The following JHY variants were observed in gnomAD, a reference collection of about 807,000 sequenced individuals.
JHY encodes the protein jhy protein homolog.
A neutral mutation model predicts 78.0 loss-of-function variants in JHY; 69 were observed. The observed-to-expected ratio is 0.88, with a 90% CI of 0.73 to 1.08. The LOEUF is 1.08. JHY is among the 50% of genes least tolerant of loss of function. JHY has a pLI of 0.00. For missense variants in JHY, 944 were observed against 927.8 expected, an observed-to-expected ratio of 1.02 and a Z score of -0.23; for synonymous variants, 368 against 342.6, an observed-to-expected ratio of 1.07 and a Z score of -0.82.
chr11:122,937,242 CT>C (rs11353255), intron 5 of JHY, among the ~76,000 whole-genome samples: 87,850 of 137,544 alleles, frequency 0.64, 27,378 homozygotes, highest in East Asian at 0.94. Flanking sequence ...CTTTTCATTT[CT>C]TTTTTTTTTT....
intron 7 of JHY, 130 bp from the exon 8 acceptor site, chr11:122,957,233 A>G: frequency 3.0e-6 from 3 of 998,954 alleles, no homozygotes; most frequent in Non-Finnish European, 4.1e-6. Context: ...ACCTTACTCA[A>G]GGTGATCCCA....
At chr11:122,954,791 C>T (rs754848957) in intron 6 of JHY, among the ~76,000 whole-genome samples, 1 of 144,232 alleles carries the variant, frequency 6.9e-6, no homozygotes, top group Non-Finnish European at 1.5e-5. Context: ...ATAACCTGGC[C>T]TCAAACTAAA....
rs1371802647 is a variant in JHY at position 122,898,069 on chromosome 11, A to G, written c.345-5856A>G. ...ACATCCTCCTGTTTTAAATACCCAT[A>G]ACGTCCTGTATTTCTTTACACATCG... is the stretch of plus-strand genomic sequence containing the variant. On this transcript the variant is annotated intron_variant, in intron 2 of 8. Coordinates refer to ENST00000227349, the MANE Select transcript of JHY (RefSeq NM_024806.4). The surrounding 1 kb of genome is among the most constrained non-coding windows in gnomAD (Gnocchi z 4.4). Among the ~76,000 whole-genome samples the G allele has an allele frequency of 1.3e-5, 2 of 152,210 alleles. No individual in the cohort carries two copies. The highest frequency in any genetic ancestry group is 2.9e-5 in the Non-Finnish European group (2 of 68,040).
intron 5 of JHY, among the ~76,000 whole-genome samples, chr11:122,939,080 C>T (rs933954272): frequency 4.0e-5 from 6 of 151,562 alleles, no homozygotes; most frequent in Admixed American, 2.0e-4. Flanking sequence ...CTCTGCCTAC[C>T]GGGTTCAAGC....
chr11:122,916,496 T>C (rs1863236949), intron 3 of JHY, among the ~76,000 whole-genome samples: 1 of 152,226 alleles, frequency 6.6e-6, no homozygotes, highest in Admixed American at 6.5e-5. Context: ...TCATTGTTTT[T>C]CTTGCATCAG....
At chr11:122,891,181 T>C (rs1301040238) in intron 2 of JHY, among the ~76,000 whole-genome samples, 1 of 152,186 alleles carries the variant, frequency 6.6e-6, no homozygotes, top group Non-Finnish European at 1.5e-5. Flanking sequence ...CTGTCAAAGC[T>C]TGCCTTAAAA....
intron 4 of JHY, among the ~76,000 whole-genome samples, chr11:122,928,323 G>A (rs1333653106): frequency 6.6e-6 from 1 of 152,032 alleles, no homozygotes; most frequent in Non-Finnish European, 1.5e-5. Context: ...AATACAAAAT[G>A]CAGATAAAAA....
In JHY at chr11:122,959,181, T is replaced by C. The variant is rs147140606; in HGVS notation, c.2140-67T>C. 1,729 of 1,508,690 alleles carry C rather than the reference T, an allele frequency of 1.1e-3. 27 individuals are homozygous for C. The African/African-American group carries it at 0.023, about 20-fold the overall frequency. 93.5% of individuals were successfully genotyped at this position (1,508,690 alleles called of 1,614,324 possible). A position where few individuals can be genotyped will look rare whatever the true frequency, so the allele number is the denominator to read the frequency against. Reference sequence around the variant, plus strand: ...ATTTATATTATAAATAAACATTTCCTAGATTTAATTTAAGGAATCCAGGCT... The same window carrying C: ...ATTTATATTATAAATAAACATTTCCCAGATTTAATTTAAGGAATCCAGGCT... On this transcript the variant is annotated intron_variant, in intron 8 of 8. Transcript: ENST00000227349.
At chr11:122,919,525 G>A (rs896110771) in intron 3 of JHY, among the ~76,000 whole-genome samples, 1 of 152,144 alleles carries the variant, frequency 6.6e-6, no homozygotes, top group African/African-American at 2.4e-5. Context: ...AGCTGAAGAA[G>A]TAGACAGGAA....
At chr11:122,916,753 G>T (rs547038446) in intron 3 of JHY, among the ~76,000 whole-genome samples, 1 of 151,926 alleles carries the variant, frequency 6.6e-6, no homozygotes, top group Non-Finnish European at 1.5e-5. Flanking sequence ...AATTCTCATG[G>T]CTCAGCCACC....
At chr11:122,931,494 A>G (rs1026107578) in intron 4 of JHY, among the ~76,000 whole-genome samples, 2 of 152,230 alleles carry the variant, frequency 1.3e-5, no homozygotes, top group African/African-American at 2.4e-5. Flanking sequence ...CCTTACCCAC[A>G]GAGAAAATCA....
chr11:122,899,379 C>T (rs1862798930), intron 2 of JHY, among the ~76,000 whole-genome samples: 1 of 152,188 alleles, frequency 6.6e-6, no homozygotes, highest in Non-Finnish European at 1.5e-5. Flanking sequence ...TCTTCCCCAC[C>T]TGAACAACCA....
At chr11:122,948,554 T>G (rs902234536) in intron 6 of JHY, among the ~76,000 whole-genome samples, 4 of 151,610 alleles carry the variant, frequency 2.6e-5, no homozygotes, top group African/African-American at 9.7e-5. Flanking sequence ...AAGCTTCCAG[T>G]TGCATGGAGC....
rs1864340066 is a variant in JHY, at chr11:122,962,717, T to G, written c.*3272T>G. On this transcript the variant is annotated 3_prime_UTR_variant, in exon 9 of 9. Transcript: ENST00000227349. ...AGGGATAGGGTAAAATTTTTAAATA[T>G]TCCATTTGTATTATCTTAAAATAGT... Among the ~76,000 whole-genome samples, 1 of 152,230 alleles carries G rather than the reference T, an allele frequency of 6.6e-6. No homozygotes were observed. The highest frequency in any genetic ancestry group is 1.5e-5 in the Non-Finnish European group (1 of 68,022).
chr11:122,906,475 A>T (rs1179669075), intron 3 of JHY, among the ~76,000 whole-genome samples: 1 of 152,120 alleles, frequency 6.6e-6, no homozygotes, highest in Non-Finnish European at 1.5e-5. Flanking sequence ...GATTACAGGC[A>T]TGAGTCACCA....
Position 122,963,313 on chromosome 11 carries a change from G to T in JHY, c.*3868G>T, listed in dbSNP as rs1053425892. On this transcript the variant is annotated 3_prime_UTR_variant, in exon 9 of 9. Coordinates refer to ENST00000227349, the MANE Select transcript of JHY (RefSeq NM_024806.4). ...GTTCATGTCAAACAACATTTCACAGGATTCTTACCCCCAAGGCAACTCTTT... is the reference window on the plus strand; with the variant it reads ...GTTCATGTCAAACAACATTTCACAGTATTCTTACCCCCAAGGCAACTCTTT... Among the ~76,000 whole-genome samples the T allele has an allele frequency of 1.3e-5, 2 of 152,168 alleles. No individual in the cohort carries two copies. Among genetic ancestry groups the T allele is most frequent in the African/African-American group, 4.8e-5 (2 of 41,506 alleles).
In JHY at chr11:122,883,654, T is replaced by G. The variant is rs1862434738; in HGVS notation, c.-90+682T>G. Among the ~76,000 whole-genome samples the G allele has an allele frequency of 6.6e-6, 1 of 152,150 alleles. No individual in the cohort carries two copies. Among genetic ancestry groups the G allele is most frequent in the African/African-American group, 2.4e-5 (1 of 41,434 alleles). On this transcript the variant is annotated intron_variant, in intron 1 of 8. Transcript: ENST00000227349. This position sits in a 1 kb window ranked among gnomAD's most constrained non-coding sequence, Gnocchi z 4.4. ...AAATTTAAACGCCCACTTTCTAACT[T>G]ATTCAAGCTGTCAGCTGTTCCTTCT...
chr11:122,955,030 A>G (rs75227786), intron 6 of JHY, among the ~76,000 whole-genome samples: 5,064 of 152,314 alleles, frequency 0.033, 149 homozygotes, highest in South Asian at 0.092. Flanking sequence ...CTTCCCAAAA[A>G]GGAAACCAAA....
chr11:122,904,003 G>A lies in JHY; in HGVS notation c.423G>A (p.Leu141=). 2 of 1,614,136 alleles carry A rather than the reference G, an allele frequency of 1.2e-6. No individual in the cohort carries two copies. Among genetic ancestry groups the A allele is most frequent in the Non-Finnish European group, 1.7e-6 (2 of 1,179,990 alleles). Residue 141 remains leucine, a synonymous_variant, in exon 3 of 9, where the codon CTG becomes CTA. Coordinates refer to ENST00000227349, the MANE Select transcript of JHY (RefSeq NM_024806.4). ...NWKSKKEEGQ[L]LSVEALPEST... ...AGAGTAAGAAGGAGGAAGGGCAGCTGCTGTCTGTGGAAGCGTTGCCGGAGT... is the reference window on the plus strand; with the variant it reads ...AGAGTAAGAAGGAGGAAGGGCAGCTACTGTCTGTGGAAGCGTTGCCGGAGT...
Sources: gnomAD v4.1 joint callset for allele counts (sites outside exome capture counted in the v4.1 genomes callset) on GRCh38, gnomAD v4.1.1 for gene constraint, Gnocchi (gnomAD v3.1) non-coding constraint, MANE v1.5 for transcripts, NCBI Gene and HGNC (gene_info 2026-07-23, HGNC 2026-07-21) for gene names.